FHIT: variants seen among roughly 807,000 people sequenced by gnomAD.
FHIT encodes bis(5'-adenosyl)-triphosphatase.
Under a neutral mutation model 17.9 loss-of-function variants are expected in FHIT, and 19 were observed. That is an observed-to-expected ratio of 1.06 (90% CI 0.74 to 1.56). The LOEUF is 1.56. FHIT is among the 40% of genes most tolerant of loss of function. FHIT has a pLI of 0.00. For missense variants in FHIT, 248 were observed against 189.2 expected, an observed-to-expected ratio of 1.31 and a Z score of -1.82; for synonymous variants, 81 against 69.7, an observed-to-expected ratio of 1.16 and a Z score of -0.81.
At chr3:61,187,195 G>C (rs1000969631) in intron 2 of FHIT, among the ~76,000 whole-genome samples, 4 of 152,128 alleles carry the variant, frequency 2.6e-5, no homozygotes, top group Admixed American at 6.6e-5. Context: ...AAATCTGCAA[G>C]GCTTAGTCCT....
At chr3:59,920,830 G>T (rs1287548593) in intron 8 of FHIT, among the ~76,000 whole-genome samples, 3 of 152,058 alleles carry the variant, frequency 2.0e-5, no homozygotes, top group Non-Finnish European at 4.4e-5. Context: ...TCCCCAAACT[G>T]CATTCCACAT....
chr3:60,252,266 TTAAC>T (rs1419938542), intron 5 of FHIT, among the ~76,000 whole-genome samples: 1 of 152,058 alleles, frequency 6.6e-6, no homozygotes, highest in Non-Finnish European at 1.5e-5. Context: ...ATATTGGACA[TTAAC>T]AAACAAAAGG....
intron 2 of FHIT, among the ~76,000 whole-genome samples, chr3:61,161,437 C>G (rs541065555): frequency 6.6e-6 from 1 of 152,182 alleles, no homozygotes; most frequent in African/African-American, 2.4e-5. Flanking sequence ...CTCCTGATTT[C>G]GTGATCCGCC....
At chr3:60,415,660 T>A (rs565382975) in intron 5 of FHIT, among the ~76,000 whole-genome samples, 1 of 151,112 alleles carries the variant, frequency 6.6e-6, no homozygotes, top group African/African-American at 2.4e-5. Context: ...ACTGGACATA[T>A]CTATCCAACA....
intron 5 of FHIT, among the ~76,000 whole-genome samples, chr3:60,295,524 G>T (rs1337107796): frequency 6.6e-6 from 1 of 151,974 alleles, no homozygotes; most frequent in East Asian, 1.9e-4. Flanking sequence ...AATGCTCCAG[G>T]AACTAAGAGT....
At chr3:61,198,928 TG>T (rs2038935233) in intron 2 of FHIT, among the ~76,000 whole-genome samples, 1 of 151,880 alleles carries the variant, frequency 6.6e-6, no homozygotes, top group Non-Finnish European at 1.5e-5. Flanking sequence ...ATGATGATGA[TG>T]ATGATGATAT....
chr3:60,723,894 C>G (rs1378570046), intron 4 of FHIT, among the ~76,000 whole-genome samples: 3 of 152,190 alleles, frequency 2.0e-5, no homozygotes, highest in African/African-American at 7.2e-5. Context: ...TATGTGGTAG[C>G]AGCGAGCAAA....
intron 5 of FHIT, among the ~76,000 whole-genome samples, chr3:60,019,608 G>T (rs1485628741): frequency 6.6e-6 from 1 of 151,832 alleles, no homozygotes; most frequent in Non-Finnish European, 1.5e-5. Flanking sequence ...AGTAGAGATG[G>T]GGTTTCTCCA....
intron 8 of FHIT, among the ~76,000 whole-genome samples, chr3:59,920,075 T>C (rs1403363029): frequency 6.6e-6 from 1 of 152,226 alleles, no homozygotes; most frequent in African/African-American, 2.4e-5. Flanking sequence ...TGACCTGGCT[T>C]TGAATCTGGT....
intron 5 of FHIT, among the ~76,000 whole-genome samples, chr3:60,236,270 C>T (rs979940300): frequency 3.4e-5 from 5 of 149,232 alleles, no homozygotes; most frequent in African/African-American, 1.2e-4. Flanking sequence ...GTGTTTGCCA[C>T]ACATACTAGA....
intron 7 of FHIT, among the ~76,000 whole-genome samples, chr3:59,992,136 A>C (rs1397260475): frequency 6.6e-6 from 1 of 151,956 alleles, no homozygotes; most frequent in Admixed American, 6.6e-5. Context: ...AATATAGAAC[A>C]TGAAGCCCAG....
chr3:60,066,563 C>T (rs1012310452), intron 5 of FHIT, among the ~76,000 whole-genome samples: 7 of 149,426 alleles, frequency 4.7e-5, no homozygotes, highest in South Asian at 2.1e-4. Context: ...CTTCTGGTCA[C>T]GTAATCATGG....
chr3:60,500,771 T>TTAAAAAAAAAAAAAAAAAAAAAAA (rs751877681), intron 5 of FHIT, among the ~76,000 whole-genome samples: 2 of 64,864 alleles, frequency 3.1e-5, no homozygotes, highest in African/African-American at 1.2e-4. Context: ...AGCATCCATC[T>TTAAAAAAAAAAAAAAAAAAAAAAA]AAAAAAAAAA....
chr3:61,225,433 C>A (rs182712108), intron 1 of FHIT, among the ~76,000 whole-genome samples: 1 of 152,250 alleles, frequency 6.6e-6, no homozygotes, highest in East Asian at 1.9e-4. Flanking sequence ...GTAACTTTAA[C>A]ATGCCTTTGC....
At chr3:61,084,499 C>T (rs1374403338) in intron 2 of FHIT, among the ~76,000 whole-genome samples, 3 of 152,144 alleles carry the variant, frequency 2.0e-5, no homozygotes, top group Admixed American at 6.5e-5. Flanking sequence ...TATTGAGTCA[C>T]CAATTCATGG....
intron 3 of FHIT, among the ~76,000 whole-genome samples, chr3:61,016,275 T>A (rs1241300813): frequency 6.6e-6 from 1 of 152,024 alleles, no homozygotes; most frequent in Non-Finnish European, 1.5e-5. Context: ...GAAATGGAAA[T>A]CACGTGATTA....
chr3:60,383,885 G>A (rs1474365977), intron 5 of FHIT, among the ~76,000 whole-genome samples: 2 of 152,110 alleles, frequency 1.3e-5, no homozygotes, highest in East Asian at 1.9e-4. Context: ...TGTCAAAAAA[G>A]ACATATTAAT....
chr3:59,975,087 C>CA (rs1016375213), intron 7 of FHIT, among the ~76,000 whole-genome samples: 10 of 152,026 alleles, frequency 6.6e-5, no homozygotes, highest in African/African-American at 2.4e-4. Context: ...ACTAAGAAGA[C>CA]AGAGATTTTT....
intron 8 of FHIT, among the ~76,000 whole-genome samples, chr3:59,757,329 A>T: frequency 6.6e-6 from 1 of 152,226 alleles, no homozygotes; most frequent in East Asian, 1.9e-4. Context: ...TTTAAAACAA[A>T]AAATCTATCT....
Sources: allele counts gnomAD v4.1 joint callset (sites outside exome capture counted in the v4.1 genomes callset), GRCh38; gene constraint gnomAD v4.1.1; transcripts MANE v1.5; gene names NCBI Gene and HGNC (gene_info 2026-07-23, HGNC 2026-07-21).